GADL1: variants seen among roughly 807,000 people sequenced by gnomAD.
GADL1 encodes GAD like acidic amino acid decarboxylase 1.
In GADL1, 71 loss-of-function variants were observed where a neutral mutation model predicts 69.5. The ratio of observed to expected loss-of-function variants is 1.02; its 90% confidence interval spans 0.84 to 1.25. The LOEUF (loss-of-function observed/expected upper bound fraction) is 1.25. GADL1 is among the 50% of genes most tolerant of loss of function. The pLI is 0.00. For missense variants in GADL1, 737 were observed against 631.8 expected, an observed-to-expected ratio of 1.17 and a Z score of -1.79; for synonymous variants, 254 against 214.4, an observed-to-expected ratio of 1.18 and a Z score of -1.62.
chr3:30,756,388 CTA>C (rs1214306736), intron 14 of GADL1, among the ~76,000 whole-genome samples: 1 of 149,300 alleles, frequency 6.7e-6, no homozygotes, highest in Non-Finnish European at 1.5e-5. Context: ...ATAAAACACT[CTA>C]TAATGTATAA....
intron 11 of GADL1, among the ~76,000 whole-genome samples, chr3:30,814,518 C>T (rs2125514338): frequency 6.6e-6 from 1 of 152,258 alleles, no homozygotes; most frequent in East Asian, 1.9e-4. Context: ...AGCATGAAAG[C>T]TGCCATAGAG....
intron 14 of GADL1, among the ~76,000 whole-genome samples, chr3:30,731,118 AT>A (rs1695450971): frequency 6.6e-6 from 1 of 152,318 alleles, no homozygotes; most frequent in South Asian, 2.1e-4. Flanking sequence ...CCTGGTTTAC[AT>A]GGACCAAATG....
chr3:30,891,651 T>TAA lies in GADL1; in HGVS notation c.37+2925_37+2926dup, dbSNP rs11462622. ...TCTCCAAGACTTGGTTTCCTTAAAA[T>TAA]AAAAAAAAAAATAAAAAGCAGATCA... On this transcript the variant is annotated intron_variant, in intron 1 of 14. Coordinates refer to ENST00000282538, the MANE Select transcript of GADL1 (RefSeq NM_207359.3). Among the ~76,000 whole-genome samples, 383 of 144,842 alleles carry TAA rather than the reference T, an allele frequency of 2.6e-3. 2 individuals are homozygous for TAA. The highest frequency in any genetic ancestry group is 9.2e-3 in the African/African-American group (366 of 39,656).
At chr3:30,886,064 T>G (rs1698701986) in intron 1 of GADL1, among the ~76,000 whole-genome samples, 1 of 152,100 alleles carries the variant, frequency 6.6e-6, no homozygotes, top group South Asian at 2.1e-4. Flanking sequence ...AACAAAAGGC[T>G]TAAAATATAA....
chr3:30,882,817 C>T (rs997249540), intron 1 of GADL1, among the ~76,000 whole-genome samples: 7 of 151,732 alleles, frequency 4.6e-5, no homozygotes, highest in Non-Finnish European at 1.0e-4. Flanking sequence ...ACATACTCTC[C>T]AGCACTTGTT....
chr3:30,843,979 C>A (rs1276122202), intron 8 of GADL1, among the ~76,000 whole-genome samples: 2 of 152,192 alleles, frequency 1.3e-5, no homozygotes, highest in Admixed American at 6.5e-5. Flanking sequence ...CACCTGGGAA[C>A]AAGAATATCC....
chr3:30,805,818 G>C (rs115435241), intron 11 of GADL1, among the ~76,000 whole-genome samples: 12 of 149,108 alleles, frequency 8.0e-5, no homozygotes, highest in Admixed American at 2.7e-4. Context: ...GGTGTGGTGT[G>C]GGGGAGATGG....
intron 1 of GADL1, among the ~76,000 whole-genome samples, chr3:30,880,909 AAG>A (rs1698633112): frequency 6.6e-6 from 1 of 151,984 alleles, no homozygotes; most frequent in Admixed American, 6.6e-5. Context: ...CAGTATAAAA[AAG>A]AGTGAAACAT....
At chr3:30,778,575 A>C in intron 13 of GADL1, 1 of 223,810 alleles carries the variant, frequency 4.5e-6, no homozygotes, top group Non-Finnish European at 8.9e-6. Flanking sequence ...GCTTACATAC[A>C]TGCTCAGAGA....
intron 12 of GADL1, among the ~76,000 whole-genome samples, chr3:30,792,432 G>A (rs1477246341): frequency 6.6e-6 from 1 of 152,104 alleles, no homozygotes; most frequent in African/African-American, 2.4e-5. Flanking sequence ...AATTAGCCGG[G>A]TGTAGAAGTG....
intron 6 of GADL1, among the ~76,000 whole-genome samples, chr3:30,846,995 C>T (rs1276395243): frequency 3.3e-5 from 5 of 152,182 alleles, no homozygotes; most frequent in Admixed American, 2.6e-4. Context: ...GTAAGGGTTT[C>T]TTTTTACCCT....
At chr3:30,745,649 A>G (rs923134205) in intron 14 of GADL1, among the ~76,000 whole-genome samples, 7 of 152,222 alleles carry the variant, frequency 4.6e-5, no homozygotes, top group Non-Finnish European at 1.0e-4. Flanking sequence ...TCTGTTAAAT[A>G]CCTTCCATCA....
rs1469705379 is a variant in GADL1, at chr3:30,886,692, A to G, written c.37+7886T>C. ...ACTGTTTGCTCACCACAACTGCGTT[A>G]TACAGAGAAGACTAGACAATTCTGA... On this transcript the variant is annotated intron_variant, in intron 1 of 14. Coordinates refer to ENST00000282538, the MANE Select transcript of GADL1 (RefSeq NM_207359.3). 2.6e-5 allele frequency among the ~76,000 whole-genome samples: 4 copies of G among 152,212 alleles called. No individual in the cohort carries two copies. In the South Asian group the frequency reaches 6.2e-4, roughly 24 times the overall value.
At chr3:30,838,014 G>A (rs1697901341) in intron 9 of GADL1, among the ~76,000 whole-genome samples, 1 of 152,090 alleles carries the variant, frequency 6.6e-6, no homozygotes. Context: ...TCTACTAGGT[G>A]ATATGATTTG....
chr3:30,817,206 C>A (rs1697491669), intron 11 of GADL1, among the ~76,000 whole-genome samples: 1 of 152,150 alleles, frequency 6.6e-6, no homozygotes, highest in African/African-American at 2.4e-5. Flanking sequence ...TAAGTGACAA[C>A]CTTTCTCAAA....
intron 14 of GADL1, among the ~76,000 whole-genome samples, chr3:30,757,932 AAC>A (rs1174815281): frequency 6.6e-5 from 10 of 152,336 alleles, no homozygotes; most frequent in South Asian, 6.2e-4. Context: ...AAATGCAGAT[AAC>A]ACTTATTGAG....
At position 30,805,150 on chromosome 3, in the gene GADL1, CACTT is replaced by C. The variant is rs546400276; in HGVS notation, c.1051-4066_1051-4063del. 1.7e-4 allele frequency among the ~76,000 whole-genome samples: 26 copies of C among 152,294 alleles called. No homozygotes were observed. In the South Asian group the frequency reaches 4.1e-3, roughly 24 times the overall value. On this transcript the variant is annotated intron_variant, in intron 11 of 14. Coordinates refer to ENST00000282538, the MANE Select transcript of GADL1 (RefSeq NM_207359.3). ...TCCAGACACTTCATATGTAATAACT[CACTT>C]AAATTTCACAACCCAGTGAGATAAA...
At chr3:30,832,362 AG>A (rs1430749803) in intron 11 of GADL1, among the ~76,000 whole-genome samples, 1 of 151,880 alleles carries the variant, frequency 6.6e-6, no homozygotes, top group East Asian at 1.9e-4. Context: ...AACCCTGTTA[AG>A]GAGTTATATG....
chr3:30,818,513 T>G (rs1697514077), intron 11 of GADL1, among the ~76,000 whole-genome samples: 1 of 152,162 alleles, frequency 6.6e-6, no homozygotes, highest in Non-Finnish European at 1.5e-5. Context: ...GAATAATTTC[T>G]GCCTCCCCTT....
Sources: allele counts gnomAD v4.1 joint callset (sites outside exome capture counted in the v4.1 genomes callset), GRCh38; gene constraint gnomAD v4.1.1; transcripts MANE v1.5; gene names NCBI Gene and HGNC (gene_info 2026-07-23, HGNC 2026-07-21).